MED1: variants seen among roughly 807,000 people sequenced by gnomAD.
MED1 encodes the protein mediator of RNA polymerase II transcription subunit 1.
Under a neutral mutation model 121.3 loss-of-function variants are expected in MED1, and 17 were observed. The observed-to-expected ratio is 0.14, with a 90% confidence interval of 0.10 to 0.21. MED1 has a LOEUF of 0.21. MED1 is among the 10% of genes least tolerant of loss of function. MED1 has a pLI of 1.00. For synonymous variants in MED1, 661 were observed against 694.4 expected, an observed-to-expected ratio of 0.95 and a Z score of 0.76; for missense variants, 1,558 against 1,919.4, an observed-to-expected ratio of 0.81 and a Z score of 3.52.
intron 16 of MED1, among the ~76,000 whole-genome samples, chr17:39,414,635 T>C (rs1204412604): frequency 8.8e-4 from 3 of 3,404 alleles, no homozygotes; most frequent in Admixed American, 3.2e-3. Context: ...AGGCCCGGCC[T>C]TTTTTTTTTT....
At chr17:39,422,250 G>A (rs1002453651) in intron 13 of MED1, among the ~76,000 whole-genome samples, 3 of 150,736 alleles carry the variant, frequency 2.0e-5, no homozygotes, top group South Asian at 2.1e-4. Context: ...TGCAACCTTC[G>A]TCTCCCGGGT....
At chr17:39,425,789 G>A (rs1039311423) in intron 10 of MED1, among the ~76,000 whole-genome samples, 1 of 150,124 alleles carries the variant, frequency 6.7e-6, no homozygotes, top group African/African-American at 2.5e-5. Flanking sequence ...GCGACAGAGT[G>A]AGACTCTGTC....
intron 11 of MED1, 147 bp from the exon 12 acceptor site, chr17:39,423,968 T>G: frequency 2.2e-6 from 2 of 915,798 alleles, no homozygotes; most frequent in Non-Finnish European, 3.1e-6. Context: ...CTGCAACCTC[T>G]GCCTCCCGGG....
At chr17:39,418,529 T>C (rs1597857395) in intron 14 of MED1, among the ~76,000 whole-genome samples, 1 of 150,740 alleles carries the variant, frequency 6.6e-6, no homozygotes, top group East Asian at 1.9e-4. Context: ...TGAGACCCTG[T>C]CTCAAAAAAA....
Position 39,427,724 on chromosome 17 carries a change from G to A in MED1, c.716C>T (p.Pro239Leu). ...SDLLDDKTASPIILHENNVSR... is the reference protein window; with the variant it reads ...SDLLDDKTASLIILHENNVSR... ...ACCATTATTCTCATGCAAAATGATG[G>A]GAGATGCAGTCTTGTCATCCAGTAG... Residue 239 changes from proline (P) to leucine (L), a missense_variant, in exon 10 of 17, where the codon CCC (proline) becomes CTC (leucine). Pro to Leu is a moderately conservative substitution (Grantham distance 98). Around this residue, in one of 5 missense-constraint regions of MED1, gnomAD observed 443 missense variants for 532.4 expected, o/e 0.83. Transcript: ENST00000300651. 1 of 1,601,208 alleles carries A rather than the reference G, an allele frequency of 6.2e-7. No individual in the cohort carries two copies. The highest frequency in any genetic ancestry group is 1.1e-5 in the South Asian group (1 of 90,664).
chr17:39,420,791 A>ATTTTTTTTTTTTTTTTTTTTTTT (rs71147330), intron 13 of MED1, among the ~76,000 whole-genome samples: 1 of 109,940 alleles, frequency 9.1e-6, no homozygotes. Context: ...ACATGTGCCT[A>ATTTTTTTTTTTTTTTTTTTTTTT]TTTTTTTTTT....
At chr17:39,433,983 C>T (rs2048594799) in intron 7 of MED1, among the ~76,000 whole-genome samples, 1 of 152,202 alleles carries the variant, frequency 6.6e-6, no homozygotes, top group South Asian at 2.1e-4. Flanking sequence ...TCCACAGCAA[C>T]TAATTCCTTT....
At chr17:39,450,419 G>A (rs925894234) in intron 1 of MED1, among the ~76,000 whole-genome samples, 7 of 152,204 alleles carry the variant, frequency 4.6e-5, no homozygotes, top group African/African-American at 1.7e-4. Context: ...GAGGAAACTG[G>A]AGAAGATAAA....
rs1221707084 is a variant in MED1 at position 39,410,196 on chromosome 17, T to G, written c.2025A>C (p.Ser675=). 6.2e-7 allele frequency: 1 copy of G among 1,614,020 alleles called. No homozygotes were observed. Among genetic ancestry groups the G allele is most frequent in the African/African-American group, 1.3e-5 (1 of 74,976 alleles). Residue 675 remains serine (S), a synonymous_variant, in exon 17 of 17, where the codon TCA becomes TCC. Transcript: ENST00000300651. ...TCCCCGAGCATATTTCCATGCGGGG[T>G]GAGCCGGAAGAGGAGTTCTGCCTTT... ...PLERQNSSSG[S]PRMEICSGSN...
intron 5 of MED1, among the ~76,000 whole-genome samples, chr17:39,439,985 A>AGAAGGAAGGAAGGAAGGAAG (rs1172811100): frequency 1.8e-4 from 23 of 125,682 alleles, no homozygotes; most frequent in African/African-American, 7.0e-4. Flanking sequence ...AAAGAAAGAA[A>AGAAGGAAGGAAGGAAGGAAG]GAAGGAAGGA....
At chr17:39,425,804 G>GA (rs557890354) in intron 10 of MED1, among the ~76,000 whole-genome samples, 2,482 of 129,392 alleles carry the variant, frequency 0.019, 56 homozygotes, top group African/African-American at 0.057. Flanking sequence ...TCTGTCTGGG[G>GA]AAAAAAAAAA....
chr17:39,436,292 C>T (rs528339089), intron 6 of MED1, among the ~76,000 whole-genome samples: 132 of 143,414 alleles, frequency 9.2e-4, no homozygotes, highest in African/African-American at 3.1e-3. Context: ...ACCCAGGAGG[C>T]GGAGCTTGCA....
chr17:39,448,171 T>C (rs1371107286), intron 1 of MED1, among the ~76,000 whole-genome samples: 4 of 151,040 alleles, frequency 2.6e-5, no homozygotes, highest in Non-Finnish European at 5.9e-5. Context: ...AGTTTCACTC[T>C]TGATGACCAG....
chr17:39,429,077 T>C (rs904568449), intron 9 of MED1, among the ~76,000 whole-genome samples: 3 of 151,640 alleles, frequency 2.0e-5, no homozygotes, highest in Non-Finnish European at 4.4e-5. Flanking sequence ...CCCAACACTT[T>C]GGGAGGCTGA....
intron 5 of MED1, 55 bp from the exon 6 acceptor site, chr17:39,439,248 G>T: frequency 1.4e-6 from 2 of 1,388,666 alleles, no homozygotes; most frequent in Non-Finnish European, 2.0e-6. Flanking sequence ...CAACTTTGAA[G>T]ATATCAAAAG....
chr17:39,440,747 G>C lies in MED1; in HGVS notation c.212-70C>G, dbSNP rs2048667299. ...ACTTAAATGATATTCTTTTAAGACA[G>C]AAAGATTCATCCTTCCAAAACCGTA... On this transcript the variant is annotated intron_variant, in intron 3 of 16. Transcript: ENST00000300651. This position sits in a 1 kb window ranked among gnomAD's most constrained non-coding sequence, Gnocchi z 4.1. 16 of 1,396,076 alleles carry C rather than the reference G, an allele frequency of 1.1e-5. No homozygotes were observed. The South Asian group carries it at 1.8e-4, about 16-fold the overall frequency. 86.5% of individuals were successfully genotyped at this position (1,396,076 alleles called of 1,614,324 possible).
At chr17:39,427,576 AGGT>A (rs2048526137) in intron 10 of MED1, 122 bp downstream of exon 10, 1 of 629,782 alleles carries the variant, frequency 1.6e-6, no homozygotes, top group African/African-American at 1.8e-5. Flanking sequence ...TACGTGTGTG[AGGT>A]GTTGTGTGTA....
At position 39,405,397 on chromosome 17, in the gene MED1, ACTATTCAGTACATTCCCC is replaced by A; in HGVS notation, c.*2060_*2077del. On this transcript the variant is annotated 3_prime_UTR_variant, in exon 17 of 17. Coordinates refer to ENST00000300651, the MANE Select transcript of MED1 (RefSeq NM_004774.4). Reference sequence around the variant, plus strand: ...TGCATGGGGGAGCTGAGCCCATGATACTATTCAGTACATTCCCCCTAAGATTCTCCCCACTCAGAACAA... The same window carrying A: ...TGCATGGGGGAGCTGAGCCCATGATACTAAGATTCTCCCCACTCAGAACAA... 3 of 1,523,346 alleles carry A rather than the reference ACTATTCAGTACATTCCCC, an allele frequency of 2.0e-6. No homozygotes were observed. Among genetic ancestry groups the A allele is most frequent in the Non-Finnish European group, 2.7e-6 (3 of 1,130,430 alleles). The allele number at this position is 1,523,346 out of a possible 1,614,324, so 94.4% of individuals were successfully genotyped here. A position where few individuals can be genotyped will look rare whatever the true frequency, so the allele number is the denominator to read the frequency against.
chr17:39,440,307 T>A lies in MED1; in HGVS notation c.399+79A>T, dbSNP rs1227234722. The A allele has an allele frequency of 2.8e-6, 4 of 1,433,284 alleles. No homozygotes were observed. The African/African-American group carries it at 5.8e-5, about 21-fold the overall frequency. 88.8% of individuals were successfully genotyped at this position (1,433,284 alleles called of 1,614,324 possible). On this transcript the variant is annotated intron_variant, in intron 5 of 16. Coordinates refer to ENST00000300651, the MANE Select transcript of MED1 (RefSeq NM_004774.4). This position sits in a 1 kb window ranked among gnomAD's most constrained non-coding sequence, Gnocchi z 4.1. ...TGGAAAAACCTAAACCCAAGCTATT[T>A]AAACCCCAACAATTAATTTTAAAAT...
Sources: gnomAD v4.1 joint callset for allele counts (sites outside exome capture counted in the v4.1 genomes callset) on GRCh38, gnomAD v4.1.1 for gene constraint, gnomAD v4.1.1 regional missense constraint, Gnocchi (gnomAD v3.1) non-coding constraint, MANE v1.5 for transcripts, NCBI Gene and HGNC (gene_info 2026-07-23, HGNC 2026-07-21) for gene names.